STAMBP: variants seen among roughly 807,000 people sequenced by gnomAD.
STAMBP encodes STAM binding protein, also known as STAM-binding protein.
A neutral mutation model predicts 50.7 loss-of-function variants in STAMBP; 31 were observed. That is an observed-to-expected ratio of 0.61 (90% CI 0.46 to 0.83). STAMBP has a LOEUF of 0.83. Among genes scored for constraint, STAMBP ranks in the 40% least tolerant of loss-of-function variants. The pLI is 0.00. For missense variants in STAMBP, 472 were observed against 518.9 expected, an observed-to-expected ratio of 0.91 and a Z score of 0.88; for synonymous variants, 211 against 192.4, an observed-to-expected ratio of 1.10 and a Z score of -0.80.
Position 73,862,348 on chromosome 2 carries a change from G to T in STAMBP, c.*89G>T, listed in dbSNP as rs572333582. ...TTAAGCTTTCTAGAAAGCTTTGGAA[G>T]TTTTTGTAGATAGTAGAAAGGGGGG... is the stretch of plus-strand genomic sequence containing the variant. On this transcript the variant is annotated 3_prime_UTR_variant, in exon 10 of 10. Coordinates refer to ENST00000394070, the MANE Select transcript of STAMBP (RefSeq NM_213622.4). The T allele has an allele frequency of 1.7e-4, 207 of 1,235,708 alleles. No homozygotes were observed. The African/African-American group carries it at 2.6e-3, about 16-fold the overall frequency. The allele number at this position is 1,235,708 out of a possible 1,614,324, so 76.5% of individuals were successfully genotyped here. A position where few individuals can be genotyped will look rare whatever the true frequency, so the allele number is the denominator to read the frequency against.
intron 9 of STAMBP, 137 bp from the exon 10 acceptor site, chr2:73,862,066 G>A (rs1027375963): frequency 4.2e-5 from 21 of 501,190 alleles, no homozygotes; most frequent in Non-Finnish European, 6.7e-5. Flanking sequence ...GAACCCAGGA[G>A]GCGGGGGTTG....
At chr2:73,848,124 G>A (rs1317999053) in intron 5 of STAMBP, among the ~76,000 whole-genome samples, 4 of 151,984 alleles carry the variant, frequency 2.6e-5, no homozygotes, top group African/African-American at 9.7e-5. Context: ...TTCAGATCTT[G>A]CTGTTGAATA....
At chr2:73,838,081 G>A (rs1466754728) in intron 2 of STAMBP, among the ~76,000 whole-genome samples, 2 of 152,180 alleles carry the variant, frequency 1.3e-5, no homozygotes, top group African/African-American at 4.8e-5. Flanking sequence ...TTCGCTAGAA[G>A]GATTACAGAG....
chr2:73,872,074 A>C (rs1679222004), downstream of STAMBP, among the ~76,000 whole-genome samples: 1 of 152,162 alleles, frequency 6.6e-6, no homozygotes, highest in South Asian at 2.1e-4. Context: ...CATCTGGCCA[A>C]GAAAAAGAAC....
In STAMBP at chr2:73,859,358, G is replaced by T. The variant is rs766778034; in HGVS notation, c.1110G>T (p.Lys370Asn). The change falls in exon 8 of 10, where the codon AAG becomes AAT. Residue 370 changes from lysine (K) to asparagine (N), a missense_variant. Transcript: ENST00000394070. Reference sequence around the variant, plus strand: ...CAGTAGCCATTGTTTGCTCCCCCAAGTTCCAGGAGTGAGTATAGAGGGCAT... The same window carrying T: ...CAGTAGCCATTGTTTGCTCCCCCAATTTCCAGGAGTGAGTATAGAGGGCAT... ...PESVAIVCSP[K>N]FQETGFFKLT... The T allele has an allele frequency of 2.5e-6, 4 of 1,613,736 alleles. No individual in the cohort carries two copies. In the Admixed American group the frequency reaches 6.7e-5, roughly 27 times the overall value.
chr2:73,841,986 C>G (rs1235076568), intron 2 of STAMBP, among the ~76,000 whole-genome samples: 2 of 151,938 alleles, frequency 1.3e-5, no homozygotes, highest in Non-Finnish European at 2.9e-5. Context: ...TGTTTTTTTA[C>G]TTATAAACTA....
chr2:73,872,169 C>T (rs1190799802), intron 10 of STAMBP, among the ~76,000 whole-genome samples: 1 of 152,168 alleles, frequency 6.6e-6, no homozygotes, highest in African/African-American at 2.4e-5. Context: ...TTGAACCAAT[C>T]ACTCTGACCA....
chr2:73,850,311 G>T lies in STAMBP; in HGVS notation c.868-65G>T. 1 of 1,541,698 alleles carries T rather than the reference G, an allele frequency of 6.5e-7. No individual in the cohort carries two copies. Among genetic ancestry groups the T allele is most frequent in the Non-Finnish European group, 8.8e-7 (1 of 1,141,674 alleles). ...TAGATGCTTACCTTTCCACTGTCGG[G>T]ATGGAGTGGAGCAGGGTTGCATGAG... On this transcript the variant is annotated intron_variant, in intron 6 of 9. Coordinates refer to ENST00000394070, the MANE Select transcript of STAMBP (RefSeq NM_213622.4). This position sits in a 1 kb window ranked among gnomAD's most constrained non-coding sequence, Gnocchi z 4.3.
chr2:73,830,906 C>G lies in STAMBP; in HGVS notation c.50C>G (p.Ala17Gly), dbSNP rs1314319708. 1 of 1,613,952 alleles carries G rather than the reference C, an allele frequency of 6.2e-7. No individual in the cohort carries two copies. Among genetic ancestry groups the G allele is most frequent in the Non-Finnish European group, 8.5e-7 (1 of 1,180,034 alleles). ...CTCCCGCCCGAAGACCGGGTGAGGG[C>G]TCTCTCCCAGCTGGGTAGTGCGGTA... ...VSLPPEDRVR[A>G]LSQLGSAVEV... The change falls in exon 2 of 10, where the codon GCT (alanine) becomes GGT (glycine). Residue 17 changes from alanine (A) to glycine (G), a missense_variant. Transcript: ENST00000394070.
chr2:73,845,319 G>A, intron 4 of STAMBP, 57 bp downstream of exon 4: 1 of 1,191,938 alleles, frequency 8.4e-7, no homozygotes, highest in South Asian at 1.3e-5. Flanking sequence ...TGTGCCCTGG[G>A]ATTGTAATAT....
intron 2 of STAMBP, among the ~76,000 whole-genome samples, chr2:73,837,353 A>T (rs1217517209): frequency 6.6e-6 from 1 of 152,164 alleles, no homozygotes; most frequent in South Asian, 2.1e-4. Context: ...TGGGAGGCCA[A>T]GGCTGGCGGA....
intron 10 of STAMBP, among the ~76,000 whole-genome samples, chr2:73,872,786 T>C (rs1371643255): frequency 1.3e-5 from 2 of 152,172 alleles, no homozygotes; most frequent in East Asian, 1.9e-4. Flanking sequence ...TTCAGACAGA[T>C]TCCTAGGATG....
intron 10 of STAMBP, among the ~76,000 whole-genome samples, chr2:73,872,524 C>T (rs1384793295): frequency 6.7e-6 from 1 of 149,948 alleles, no homozygotes; most frequent in African/African-American, 2.5e-5. Context: ...ATGTTACGCT[C>T]TCTGTCCTCA....
chr2:73,868,563 A>AT (rs1051222042), downstream of STAMBP, among the ~76,000 whole-genome samples: 4 of 152,134 alleles, frequency 2.6e-5, no homozygotes, highest in African/African-American at 9.7e-5. Context: ...ATCAACATTT[A>AT]TTTTTTATTT....
At chr2:73,859,497 C>G in intron 8 of STAMBP, 131 bp downstream of exon 8, 1 of 703,946 alleles carries the variant, frequency 1.4e-6, no homozygotes, top group Non-Finnish European at 2.5e-6. Flanking sequence ...GTTGGTTATT[C>G]TAAAGGGCTT....
rs145850419 is a variant in STAMBP at position 73,830,956 on chromosome 2, C to T, written c.100C>T (p.Arg34Cys). The change falls in exon 2 of 10, where the codon CGT (arginine) becomes TGT (cysteine). Residue 34 changes from arginine to cysteine, a missense_variant. Physicochemically the swap from Arg to Cys is radical, Grantham distance 180 (BLOSUM62 -3). Transcript: ENST00000394070. ...AGAGGTGAATGAAGACATTCCACCCCGTCGGTACTTCCGCTCTGGAGTTGA... is the reference window on the plus strand; with the variant it reads ...AGAGGTGAATGAAGACATTCCACCCTGTCGGTACTTCCGCTCTGGAGTTGA... Reference protein sequence around the residue: ...AVEVNEDIPPRRYFRSGVEII... With the variant: ...AVEVNEDIPPCRYFRSGVEII... 4.3e-6 allele frequency: 7 copies of T among 1,614,054 alleles called. No homozygotes were observed. The highest frequency in any genetic ancestry group is 2.2e-5 in the East Asian group (1 of 44,900).
chr2:73,848,659 C>T (rs1406344825), intron 5 of STAMBP, among the ~76,000 whole-genome samples: 4 of 152,284 alleles, frequency 2.6e-5, no homozygotes, highest in South Asian at 2.1e-4. Flanking sequence ...CGTCATCCCA[C>T]GACAGAAGGG....
intron 2 of STAMBP, among the ~76,000 whole-genome samples, chr2:73,838,565 A>G (rs1466315683): frequency 6.6e-6 from 1 of 152,224 alleles, no homozygotes; most frequent in African/African-American, 2.4e-5. Context: ...GCTTAGCTGT[A>G]CTAATAAACT....
At chr2:73,870,828 A>G (rs1039132994), downstream of STAMBP, among the ~76,000 whole-genome samples, 1 of 151,004 alleles carries the variant, frequency 6.6e-6, no homozygotes, top group Admixed American at 6.6e-5. Flanking sequence ...GCCACGTTGA[A>G]CAGCTCTTAA....
Sources: gnomAD v4.1 joint callset for allele counts (sites outside exome capture counted in the v4.1 genomes callset) on GRCh38, gnomAD v4.1.1 for gene constraint, Gnocchi (gnomAD v3.1) non-coding constraint, MANE v1.5 for transcripts, NCBI Gene and HGNC (gene_info 2026-07-23, HGNC 2026-07-21) for gene names.